Variants in LEO1 observed in about 807,000 individuals in gnomAD.
LEO1 encodes RNA polymerase-associated protein LEO1.
Under a neutral mutation model 80.4 loss-of-function variants are expected in LEO1, and 34 were observed. The observed-to-expected ratio is 0.42, with a 90% confidence interval of 0.32 to 0.56. LEO1 has a LOEUF of 0.56. LEO1 is among the 20% of genes least tolerant of loss of function. The probability of loss-of-function intolerance (pLI) is 0.10; values close to 1 mark genes in which losing one functional copy is unlikely to be tolerated. For synonymous variants in LEO1, 262 were observed against 274.9 expected (o/e 0.95, Z 0.46); for missense variants, 631 against 814.2 (o/e 0.77, Z 2.74).
intron 11 of LEO1, among the ~76,000 whole-genome samples, chr15:51,946,317 G>A (rs570284279): frequency 6.6e-6 from 1 of 152,112 alleles, no homozygotes; most frequent in African/African-American, 2.4e-5. Context: ...AGTCTCCTGA[G>A]GCTGAGAGTA....
At chr15:51,957,554 C>A (rs746798428) in intron 6 of LEO1, among the ~76,000 whole-genome samples, 2 of 152,130 alleles carry the variant, frequency 1.3e-5, no homozygotes, top group Admixed American at 6.5e-5. Context: ...ATTTGATTTG[C>A]ATTTCCATTA....
At chr15:51,953,286 T>C (rs201137224) in intron 7 of LEO1, 23 bp from the exon 8 acceptor site, 4 of 1,610,924 alleles carry the variant, frequency 2.5e-6, no homozygotes, top group Non-Finnish European at 3.4e-6. Context: ...ACATTTCATC[T>C]ATTAAAGTCA....
chr15:51,946,447 C>T (rs541897873), intron 11 of LEO1, among the ~76,000 whole-genome samples: 4 of 152,300 alleles, frequency 2.6e-5, no homozygotes, highest in Admixed American at 6.5e-5. Flanking sequence ...CCGCTTGCCT[C>T]GGCCTCCCAA....
chr15:51,952,694 G>A (rs1037843719), intron 8 of LEO1, among the ~76,000 whole-genome samples: 1 of 152,150 alleles, frequency 6.6e-6, no homozygotes, highest in African/African-American at 2.4e-5. Context: ...AGATGCCGGG[G>A]CCTACGGCAC....
intron 3 of LEO1, among the ~76,000 whole-genome samples, chr15:51,961,344 A>G (rs1183951991): frequency 3.4e-5 from 5 of 146,656 alleles, no homozygotes; most frequent in African/African-American, 1.3e-4. Flanking sequence ...CTTCCAACTT[A>G]TAATACCAGG....
At chr15:51,965,579 A>G (rs1279063229) in intron 2 of LEO1, among the ~76,000 whole-genome samples, 170 bp downstream of exon 2, 1 of 152,190 alleles carries the variant, frequency 6.6e-6, no homozygotes, top group Non-Finnish European at 1.5e-5. Context: ...GAATAAGTGG[A>G]TTAGAAAGAT....
chr15:51,946,554 C>T (rs2623243), intron 11 of LEO1, among the ~76,000 whole-genome samples: 88,654 of 151,600 alleles, frequency 0.58, 26,106 homozygotes, highest in South Asian at 0.67. Context: ...AGAATGAAAT[C>T]ATTTTCTTTT....
intron 5 of LEO1, among the ~76,000 whole-genome samples, chr15:51,959,205 T>A (rs2057012061): frequency 6.6e-6 from 1 of 152,152 alleles, no homozygotes; most frequent in Middle Eastern, 3.2e-3. Context: ...TGTTTCTCCA[T>A]GTTGGTCAGG....
rs750872617 is a variant in LEO1 at position 51,971,668 on chromosome 15, C to G, written c.58+20G>C. 1.2e-6 allele frequency: 2 copies of G among 1,613,634 alleles called. No individual in the cohort carries two copies. Among genetic ancestry groups the G allele is most frequent in the South Asian group, 1.1e-5 (1 of 91,090 alleles). On this transcript the variant is annotated intron_variant, in intron 1 of 11. Coordinates refer to ENST00000299601, the MANE Select transcript of LEO1 (RefSeq NM_138792.4). The stretch of plus-strand genomic sequence containing the variant: ...GGAAGGCCTGCCACGCACCCATCCT[C>G]CGAAGACCAGCGAACCCACCTTTAC...
intron 6 of LEO1, among the ~76,000 whole-genome samples, chr15:51,956,819 T>C (rs2056993071): frequency 6.6e-6 from 1 of 152,134 alleles, no homozygotes; most frequent in Admixed American, 6.6e-5. Context: ...GTAAAATACA[T>C]ATTTATAAAT....
chr15:51,940,301 C>T (rs540014733), intron 11 of LEO1, among the ~76,000 whole-genome samples: 36 of 147,124 alleles, frequency 2.4e-4, no homozygotes, highest in African/African-American at 8.4e-4. Flanking sequence ...TGGCTCACGC[C>T]TGTAATCCCA....
At chr15:51,943,689 GACCCTGTCTCA>G (rs1310207250) in intron 11 of LEO1, among the ~76,000 whole-genome samples, 1 of 134,134 alleles carries the variant, frequency 7.5e-6, no homozygotes, top group East Asian at 2.1e-4. Context: ...AACAGAGTGA[GACCCTGTCTCA>G]AAAAAAAAAA....
At chr15:51,950,619 T>C (rs189640832) in intron 9 of LEO1, among the ~76,000 whole-genome samples, 21 of 152,332 alleles carry the variant, frequency 1.4e-4, no homozygotes, top group Non-Finnish European at 8.8e-5. Flanking sequence ...GTTTCAGGGA[T>C]ATTCTGGGAT....
At chr15:51,971,067 G>C (rs1170745659) in intron 1 of LEO1, among the ~76,000 whole-genome samples, 1 of 152,066 alleles carries the variant, frequency 6.6e-6, no homozygotes, top group African/African-American at 2.4e-5. Context: ...CCTCCTCTCT[G>C]TACACAGACC....
Position 51,951,907 on chromosome 15 carries a change from C to T in LEO1, c.1548G>A (p.Gln516=), listed in dbSNP as rs1333380739. The T allele has an allele frequency of 6.2e-7, 1 of 1,613,788 alleles. No individual in the cohort carries two copies. Among genetic ancestry groups the T allele is most frequent in the Non-Finnish European group, 8.5e-7 (1 of 1,179,674 alleles). The change falls in exon 9 of 12, where the codon CAG becomes CAA. Residue 516 remains glutamine, a synonymous_variant. Coordinates refer to ENST00000299601, the MANE Select transcript of LEO1 (RefSeq NM_138792.4). Reference sequence around the variant, plus strand: ...CAGCCATTGGCAAGATTCTAATCTTCTGTGTCTTTGAACACCTATCTGCAA... The same window carrying T: ...CAGCCATTGGCAAGATTCTAATCTTTTGTGTCTTTGAACACCTATCTGCAA... ...LSLADRCSKT[Q]KIRILPMAGR... is the part of the protein sequence containing the mutation.
chr15:51,953,173 A>G lies in LEO1; in HGVS notation c.1431T>C (p.Thr477=). ...DHNHLFIRQG[T]GLQGQAVFKT... is the part of the protein sequence containing the mutation. Reference sequence around the variant, plus strand: ...TAAAGACTGCTTGTCCCTGTAGACCAGTACCTTGTCTTATAAAAAGATGAT... The same window carrying G: ...TAAAGACTGCTTGTCCCTGTAGACCGGTACCTTGTCTTATAAAAAGATGAT... The change falls in exon 8 of 12, where the codon ACT becomes ACC. Residue 477 remains threonine (T), a synonymous_variant. Transcript: ENST00000299601. The G allele has an allele frequency of 6.2e-7, 1 of 1,613,940 alleles. No individual in the cohort carries two copies. The highest frequency in any genetic ancestry group is 8.5e-7 in the Non-Finnish European group (1 of 1,179,750).
rs1190366762 is a variant in LEO1 at position 51,960,648 on chromosome 15, T to C, written c.1005A>G (p.Gly335=). ...TTACTAACTGACTTACAACAGGCTG[T>C]CCTGGAGTAGGTGGTTTGTCTTCTC... ...SDGEDKPPTP[G]QPVDENGLPQ... The change falls in exon 4 of 12, where the codon GGA becomes GGG. Residue 335 remains glycine, a synonymous_variant. Coordinates refer to ENST00000299601, the MANE Select transcript of LEO1 (RefSeq NM_138792.4). 2 of 1,590,256 alleles carry C rather than the reference T, an allele frequency of 1.3e-6. No individual in the cohort carries two copies. Among genetic ancestry groups the C allele is most frequent in the African/African-American group, 2.7e-5 (2 of 74,560 alleles).
intron 11 of LEO1, among the ~76,000 whole-genome samples, chr15:51,941,812 A>G (rs1400292279): frequency 1.3e-5 from 2 of 152,204 alleles, no homozygotes; most frequent in African/African-American, 4.8e-5. Context: ...TGTTACTTTC[A>G]AATCTGTTGT....
chr15:51,938,788 A>C (rs2056822985), intron 11 of LEO1, among the ~76,000 whole-genome samples: 1 of 152,260 alleles, frequency 6.6e-6, no homozygotes, highest in African/African-American at 2.4e-5. Context: ...TTCTAACAGA[A>C]ACAAATAATT....
Sources: allele counts gnomAD v4.1 joint callset (sites outside exome capture counted in the v4.1 genomes callset), GRCh38; gene constraint gnomAD v4.1.1; transcripts MANE v1.5; gene names NCBI Gene and HGNC (gene_info 2026-07-23, HGNC 2026-07-21).